MARCHF8: variants seen among roughly 807,000 people sequenced by gnomAD.
MARCHF8 encodes membrane associated ring-CH-type finger 8, also known as E3 ubiquitin-protein ligase MARCHF8.
MARCHF8 carries 40 observed loss-of-function variants against 51.6 expected under a neutral mutation model. The ratio of observed to expected loss-of-function variants is 0.77; its 90% CI spans 0.60 to 1.01. The LOEUF (loss-of-function observed/expected upper bound fraction) is 1.01, where lower values mean the gene tolerates loss of function less well. Among genes scored for constraint, MARCHF8 ranks in the 50% least tolerant of loss-of-function variants. The pLI is 0.00. For synonymous variants in MARCHF8, 263 were observed against 280.3 expected, an observed-to-expected ratio of 0.94 and a Z score of 0.62; for missense variants, 685 against 708.6, an observed-to-expected ratio of 0.97 and a Z score of 0.38.
At chr10:45,502,247 T>C (rs1490240227) in intron 2 of MARCHF8, among the ~76,000 whole-genome samples, 2 of 152,120 alleles carry the variant, frequency 1.3e-5, no homozygotes, top group African/African-American at 4.8e-5. Context: ...GTGCATAACA[T>C]GGAAAACTAC....
intron 1 of MARCHF8, among the ~76,000 whole-genome samples, chr10:45,533,904 C>A (rs1458225472): frequency 1.3e-5 from 2 of 152,176 alleles, no homozygotes; most frequent in Admixed American, 6.5e-5. Flanking sequence ...TGTAAATGGG[C>A]CGGGTGCGGT....
At position 45,533,260 on chromosome 10, in the gene MARCHF8, G is replaced by A. The variant is rs1256045798; in HGVS notation, c.-49C>T. 6.4e-7 allele frequency: 1 copy of A among 1,552,486 alleles called. No individual in the cohort carries two copies. The highest frequency in any genetic ancestry group is 8.7e-7 in the Non-Finnish European group (1 of 1,154,342). On this transcript the variant is annotated 5_prime_UTR_variant, in exon 2 of 8. Transcript: ENST00000453424. ...TCTTCACAGAAGAGAGTCTCCACTGGTAGAGTCATTTTGGGCCATGGATTT... is the reference window on the plus strand; with the variant it reads ...TCTTCACAGAAGAGAGTCTCCACTGATAGAGTCATTTTGGGCCATGGATTT...
chr10:45,568,733 A>AAAAAAC (rs2044394268), intron 1 of MARCHF8, among the ~76,000 whole-genome samples: 1 of 150,194 alleles, frequency 6.7e-6, no homozygotes, highest in African/African-American at 2.4e-5. Context: ...AAAAAAAAAA[A>AAAAAAC]AAAAACCACT....
chr10:45,543,973 C>T (rs1005410737), intron 1 of MARCHF8, among the ~76,000 whole-genome samples: 1 of 152,026 alleles, frequency 6.6e-6, no homozygotes, highest in African/African-American at 2.4e-5. Context: ...GAAGCTGAGG[C>T]AAGAGGGTCG....
chr10:45,515,853 G>C (rs2043609629), intron 2 of MARCHF8, among the ~76,000 whole-genome samples: 1 of 152,202 alleles, frequency 6.6e-6, no homozygotes, highest in South Asian at 2.1e-4. Flanking sequence ...GCAGTTCATG[G>C]TGTGTGGTAA....
Position 45,498,760 on chromosome 10 carries a change from G to A in MARCHF8, c.103-9343C>T, listed in dbSNP as rs1000651592. On this transcript the variant is annotated intron_variant, in intron 2 of 7. Transcript: ENST00000453424. ...CAAAGTGCTAGAATAACAGGCGTGA[G>A]CCGCTGTGCCCAGCCAGAATCCTTT... 3.3e-5 allele frequency among the ~76,000 whole-genome samples: 5 copies of A among 152,254 alleles called. No homozygotes were observed. In the South Asian group the frequency reaches 6.2e-4, roughly 19 times the overall value.
At chr10:45,478,678 A>T (rs1377851329) in intron 3 of MARCHF8, among the ~76,000 whole-genome samples, 1 of 152,092 alleles carries the variant, frequency 6.6e-6, no homozygotes, top group Admixed American at 6.5e-5. Context: ...ATAAAATCTG[A>T]AATGAAAAAG....
intron 3 of MARCHF8, among the ~76,000 whole-genome samples, chr10:45,484,113 T>C (rs935943585): frequency 6.6e-6 from 1 of 152,200 alleles, no homozygotes; most frequent in African/African-American, 2.4e-5. Context: ...ACACCCCAAA[T>C]ACCCTGACTT....
chr10:45,558,020 A>C (rs997027827), intron 1 of MARCHF8, among the ~76,000 whole-genome samples: 5 of 152,244 alleles, frequency 3.3e-5, no homozygotes, highest in Non-Finnish European at 7.3e-5. Flanking sequence ...ATCAGTGACC[A>C]GTGATCACTG....
intron 2 of MARCHF8, among the ~76,000 whole-genome samples, chr10:45,498,847 A>G (rs1772627144): frequency 6.6e-6 from 1 of 152,144 alleles, no homozygotes; most frequent in Non-Finnish European, 1.5e-5. Flanking sequence ...TTATTCATTC[A>G]CCCTTTGATG....
At chr10:45,579,577 T>A (rs2044529950) in intron 1 of MARCHF8, among the ~76,000 whole-genome samples, 1 of 152,208 alleles carries the variant, frequency 6.6e-6, no homozygotes, top group Non-Finnish European at 1.5e-5. Context: ...GTTTTCCACC[T>A]GTTAAATCGG....
chr10:45,541,082 G>T (rs574082128), intron 1 of MARCHF8, among the ~76,000 whole-genome samples: 3 of 152,240 alleles, frequency 2.0e-5, no homozygotes, highest in Admixed American at 2.0e-4. Flanking sequence ...TATACTCAAA[G>T]GATTATAAAT....
At chr10:45,553,477 T>A (rs1372131887) in intron 1 of MARCHF8, among the ~76,000 whole-genome samples, 2 of 152,208 alleles carry the variant, frequency 1.3e-5, no homozygotes, top group Admixed American at 6.5e-5. Context: ...TACGCTTGAA[T>A]ACTTCCTGAA....
intron 2 of MARCHF8, among the ~76,000 whole-genome samples, chr10:45,512,513 G>A (rs1441140481): frequency 6.6e-6 from 1 of 151,272 alleles, no homozygotes; most frequent in Admixed American, 6.6e-5. Context: ...GCCCAGTCCG[G>A]GAGGTGAGGG....
Position 45,574,355 on chromosome 10 carries a change from AC to A in MARCHF8, c.-79+19879del, listed in dbSNP as rs200538079. ...TTAGTTCAGGATCTGCATCTTATCA[AC>A]CAAATTGTTTTGCCTATCTACCCCG... On this transcript the variant is annotated intron_variant, in intron 1 of 6. Transcript: ENST00000319836. Among the ~76,000 whole-genome samples the A allele has an allele frequency of 2.9e-3, 440 of 152,270 alleles. 9 individuals are homozygous for A. The East Asian group carries it at 0.046, about 16-fold the overall frequency.
At chr10:45,460,521 TTTATATA>T (rs1842753397) in intron 6 of MARCHF8, among the ~76,000 whole-genome samples, 1 of 152,254 alleles carries the variant, frequency 6.6e-6, no homozygotes, top group Non-Finnish European at 1.5e-5. Context: ...TATCTTGCAA[TTTATATA>T]TTAATGTTCT....
rs2044200173 is a variant in MARCHF8 at position 45,551,938 on chromosome 10, A to G, written c.-78-18649T>C. ...TACAATATATCACATAGTTTAGATC[A>G]TTCCTTGCAGGGTACAAAGCCTGGC... On this transcript the variant is annotated intron_variant, in intron 1 of 6. Transcript: ENST00000319836. Among the ~76,000 whole-genome samples the G allele has an allele frequency of 4.6e-5, 7 of 152,136 alleles. No homozygotes were observed. In the South Asian group the frequency reaches 1.4e-3, roughly 31 times the overall value.
chr10:45,507,078 G>T (rs537423948), intron 2 of MARCHF8, among the ~76,000 whole-genome samples: 1 of 152,244 alleles, frequency 6.6e-6, no homozygotes, highest in South Asian at 2.1e-4. Flanking sequence ...TAAAACAGTG[G>T]CATGCAACAG....
Position 45,479,810 on chromosome 10 carries a change from C to T in MARCHF8, c.153+9557G>A, listed in dbSNP as rs185043710. Among the ~76,000 whole-genome samples, 43 of 152,210 alleles carry T rather than the reference C, an allele frequency of 2.8e-4. 1 individual carries two copies. Among genetic ancestry groups the T allele is most frequent in the Admixed American group, 2.4e-3 (37 of 15,286 alleles). On this transcript the variant is annotated intron_variant, in intron 3 of 7. Coordinates refer to ENST00000453424, the MANE Select transcript of MARCHF8 (RefSeq NM_001282866.2). ...TCTTTATCAGCAGTGTGAAAACAGA[C>T]CAATACAGTAAATTGGTACCAGTAA...
Sources: gnomAD v4.1 joint callset for allele counts (sites outside exome capture counted in the v4.1 genomes callset) on GRCh38, gnomAD v4.1.1 for gene constraint, MANE v1.5 for transcripts, NCBI Gene and HGNC (gene_info 2026-07-23, HGNC 2026-07-21) for gene names.